Variants in HIVEP1 observed in about 807,000 individuals in gnomAD.
HIVEP1 encodes the protein zinc finger protein 40.
Under a neutral mutation model 180.0 loss-of-function variants are expected in HIVEP1, and 36 were observed. That is an observed-to-expected ratio of 0.20 (90% confidence interval 0.15 to 0.26). The LOEUF (loss-of-function observed/expected upper bound fraction) is 0.26, where lower values mean the gene tolerates loss of function less well. Among genes scored for constraint, HIVEP1 ranks in the 10% least tolerant of loss-of-function variants. The pLI is 1.00. For synonymous variants in HIVEP1, 1,239 were observed against 1,239.0 expected, an observed-to-expected ratio of 1.00 and a Z score of 0.00; for missense variants, 3,143 against 3,268.7, an observed-to-expected ratio of 0.96 and a Z score of 0.94.
At chr6:12,016,390 T>G (rs1271753684) in intron 2 of HIVEP1, among the ~76,000 whole-genome samples, 3 of 152,224 alleles carry the variant, frequency 2.0e-5, no homozygotes, top group African/African-American at 7.2e-5. Flanking sequence ...AATGTAGTAG[T>G]GCTAAAAACA....
chr6:12,024,989 A>C (rs536888035), intron 2 of HIVEP1, among the ~76,000 whole-genome samples: 5 of 152,356 alleles, frequency 3.3e-5, no homozygotes, highest in Admixed American at 2.6e-4. Context: ...GAACCTTTCC[A>C]CAGGTCTCTA....
chr6:12,085,474 C>A (rs1045400700), intron 2 of HIVEP1, among the ~76,000 whole-genome samples: 1 of 152,082 alleles, frequency 6.6e-6, no homozygotes, highest in African/African-American at 2.4e-5. Flanking sequence ...GAGTTTGAGC[C>A]TTATTTATCA....
intron 2 of HIVEP1, among the ~76,000 whole-genome samples, chr6:12,039,551 C>G (rs1295890646): frequency 6.6e-6 from 1 of 152,106 alleles, no homozygotes; most frequent in Non-Finnish European, 1.5e-5. Context: ...CTCTTTAAAC[C>G]TCATTTGTTC....
At chr6:12,153,166 A>C (rs1456014037) in intron 7 of HIVEP1, among the ~76,000 whole-genome samples, 2 of 152,240 alleles carry the variant, frequency 1.3e-5, no homozygotes, top group African/African-American at 4.8e-5. Flanking sequence ...TAATCAAATA[A>C]TTATATGACA....
At chr6:12,023,059 C>T (rs1201210223) in intron 2 of HIVEP1, among the ~76,000 whole-genome samples, 2 of 152,162 alleles carry the variant, frequency 1.3e-5, no homozygotes, top group African/African-American at 4.8e-5. Flanking sequence ...TAAAAAATGT[C>T]GGTGTCACAG....
chr6:12,203,854 A>C, the HIVEP1 span, among the ~76,000 whole-genome samples: 1 of 152,184 alleles, frequency 6.6e-6, no homozygotes, highest in Admixed American at 6.5e-5. Context: ...AGGCAAGTGG[A>C]TCACCTGAGG....
chr6:12,193,232 C>T, the HIVEP1 span, among the ~76,000 whole-genome samples: 1 of 152,128 alleles, frequency 6.6e-6, no homozygotes, highest in Non-Finnish European at 1.5e-5. Flanking sequence ...GCCTAATGAA[C>T]ATAGTGTAAT....
chr6:12,097,599 C>T (rs1054823594), intron 3 of HIVEP1, among the ~76,000 whole-genome samples: 13 of 152,110 alleles, frequency 8.5e-5, no homozygotes, highest in East Asian at 3.9e-4. Context: ...GTGTAATAGA[C>T]AGTGAATGCT....
At chr6:12,166,017 G>T (rs1760691184), downstream of HIVEP1, among the ~76,000 whole-genome samples, 1 of 152,166 alleles carries the variant, frequency 6.6e-6, no homozygotes, top group South Asian at 2.1e-4. Flanking sequence ...CATAGATTAA[G>T]TAACAAAATT....
At chr6:12,154,663 G>A (rs546792108) in intron 7 of HIVEP1, among the ~76,000 whole-genome samples, 5 of 152,124 alleles carry the variant, frequency 3.3e-5, no homozygotes, top group African/African-American at 1.2e-4. Flanking sequence ...AGGGGAGGGA[G>A]AGCATTAGGA....
intron 2 of HIVEP1, among the ~76,000 whole-genome samples, chr6:12,069,090 T>C (rs1297543151): frequency 3.9e-5 from 6 of 152,250 alleles, no homozygotes; most frequent in Non-Finnish European, 7.3e-5. Flanking sequence ...CGTTAGGTGA[T>C]TTCCTCATTG....
At chr6:12,149,074 C>T (rs571582269) in intron 7 of HIVEP1, among the ~76,000 whole-genome samples, 45 of 152,286 alleles carry the variant, frequency 3.0e-4, no homozygotes, top group African/African-American at 1.0e-3. Flanking sequence ...GGTAGGTACA[C>T]TTCCTGTTTC....
the HIVEP1 span, among the ~76,000 whole-genome samples, chr6:12,197,289 G>A: frequency 1.3e-4 from 20 of 152,122 alleles, no homozygotes; most frequent in Non-Finnish European, 2.4e-4. Flanking sequence ...TGGGTGCAGC[G>A]GCTCATACCT....
intron 2 of HIVEP1, among the ~76,000 whole-genome samples, chr6:12,052,930 T>C (rs1055796028): frequency 1.3e-5 from 2 of 152,228 alleles, no homozygotes; most frequent in African/African-American, 2.4e-5. Context: ...TGGAGACTTG[T>C]AGCAAATGCT....
At chr6:12,139,753 T>C (rs1758909727) in intron 7 of HIVEP1, among the ~76,000 whole-genome samples, 1 of 152,250 alleles carries the variant, frequency 6.6e-6, no homozygotes, top group Non-Finnish European at 1.5e-5. Context: ...CAGTCTGAGA[T>C]CTACCTGTGA....
chr6:12,068,640 G>A (rs1013002555), intron 2 of HIVEP1, among the ~76,000 whole-genome samples: 7 of 152,096 alleles, frequency 4.6e-5, no homozygotes, highest in Non-Finnish European at 1.0e-4. Flanking sequence ...TATTTGTGAA[G>A]ATATATGTGT....
chr6:12,051,556 C>G (rs1435760008), intron 2 of HIVEP1, among the ~76,000 whole-genome samples: 1 of 151,726 alleles, frequency 6.6e-6, no homozygotes, highest in Non-Finnish European at 1.5e-5. Flanking sequence ...TATGTAAATA[C>G]TATATAATTA....
intron 3 of HIVEP1, among the ~76,000 whole-genome samples, chr6:12,112,200 T>A (rs1774941521): frequency 6.6e-6 from 1 of 152,066 alleles, no homozygotes; most frequent in Non-Finnish European, 1.5e-5. Flanking sequence ...GACAATTTTT[T>A]TTTCTTTCAG....
At chr6:12,028,959 A>G (rs990289895) in intron 2 of HIVEP1, among the ~76,000 whole-genome samples, 4 of 152,244 alleles carry the variant, frequency 2.6e-5, no homozygotes, top group African/African-American at 9.6e-5. Context: ...ATCATACAGT[A>G]TATAGTTTTT....
Sources: gnomAD v4.1 joint callset for allele counts (sites outside exome capture counted in the v4.1 genomes callset) on GRCh38, gnomAD v4.1.1 for gene constraint, MANE v1.5 for transcripts, NCBI Gene and HGNC (gene_info 2026-07-23, HGNC 2026-07-21) for gene names.